The following SPTBN4 variants were observed in gnomAD, a reference collection of about 807,000 sequenced individuals.
The protein encoded by SPTBN4 is spectrin beta, non-erythrocytic 4.
A neutral mutation model predicts 277.8 loss-of-function variants in SPTBN4; 96 were observed. The observed-to-expected ratio is 0.35, with a 90% CI of 0.29 to 0.41. SPTBN4 has a LOEUF of 0.41. Ranked by LOEUF, SPTBN4 falls within the 10% of genes least tolerant of loss-of-function variation. SPTBN4 has a pLI of 1.00. For missense variants in SPTBN4, 3,006 were observed against 3,595.7 expected, an observed-to-expected ratio of 0.84 and a Z score of 4.19; for synonymous variants, 1,481 against 1,580.3, an observed-to-expected ratio of 0.94 and a Z score of 1.49.
rs2080491746 is a variant in SPTBN4 at position 40,519,001 on chromosome 19, CA to C, written c.2904-399del. On this transcript the variant is annotated intron_variant, in intron 15 of 35. Coordinates refer to ENST00000598249, the MANE Select transcript of SPTBN4 (RefSeq NM_020971.3). This position sits in a 1 kb window ranked among gnomAD's most constrained non-coding sequence, Gnocchi z 5.7. ...ATAACACAAAATGTACTAAGAGTGGCATTGTTTCGTACCTTTGCAAATCTCT... is the reference window on the plus strand; with the variant it reads ...ATAACACAAAATGTACTAAGAGTGGCTTGTTTCGTACCTTTGCAAATCTCT... Among the ~76,000 whole-genome samples, 1 of 152,098 alleles carries C rather than the reference CA, an allele frequency of 6.6e-6. No homozygotes were observed. The highest frequency in any genetic ancestry group is 1.5e-5 in the Non-Finnish European group (1 of 68,016).
chr19:40,559,406 G>T (rs1017029282), intron 26 of SPTBN4, among the ~76,000 whole-genome samples: 2 of 152,164 alleles, frequency 1.3e-5, no homozygotes, highest in African/African-American at 4.8e-5. Flanking sequence ...TCAGCACTTT[G>T]GGAGGCCAAC....
chr19:40,509,013 C>A (rs1241586583), intron 13 of SPTBN4, among the ~76,000 whole-genome samples: 4 of 150,096 alleles, frequency 2.7e-5, no homozygotes, highest in Non-Finnish European at 4.4e-5. Flanking sequence ...CCTACTCCAT[C>A]GTGGTCAGAG....
intron 18 of SPTBN4, among the ~76,000 whole-genome samples, chr19:40,532,138 ATTTGAT>A (rs2080682273): frequency 6.6e-6 from 1 of 150,826 alleles, no homozygotes; most frequent in African/African-American, 2.4e-5. Flanking sequence ...TGGGGGCTTC[ATTTGAT>A]ACCCTTGGGA....
intron 2 of SPTBN4, among the ~76,000 whole-genome samples, chr19:40,474,124 C>T (rs953368579): frequency 3.0e-5 from 4 of 132,088 alleles, no homozygotes; most frequent in Non-Finnish European, 6.2e-5. Context: ...TGCACTCCAG[C>T]CCCAGCAGTA....
intron 13 of SPTBN4, among the ~76,000 whole-genome samples, chr19:40,511,075 T>G (rs2145862016): frequency 6.6e-6 from 1 of 152,026 alleles, no homozygotes; most frequent in African/African-American, 2.4e-5. Context: ...TTCACATGCA[T>G]ACATGGGCAC....
Position 40,570,478 on chromosome 19 carries a change from C to G in SPTBN4, c.7069C>G (p.Pro2357Ala), listed in dbSNP as rs1186877211. Residue 2357 changes from proline to alanine, a missense_variant, in exon 33 of 36, where the codon CCC becomes GCC. By Grantham distance (27) the Pro-to-Ala change is conservative (BLOSUM62 -1). This residue lies in a region of SPTBN4 where 630 missense variants were observed against 677.6 expected (regional missense o/e 0.93). Transcript: ENST00000598249. ...QPRELPPGRL[P>A]NGLELPERTP... ...ACGCGAGCTTCCCCCAGGTCGCCTG[C>G]CCAACGGGCTTGAGCTGCCCGAGCG... is the stretch of plus-strand genomic sequence containing the variant. 6.4e-7 allele frequency: 1 copy of G among 1,565,560 alleles called. No individual in the cohort carries two copies. The highest frequency in any genetic ancestry group is 1.4e-5 in the African/African-American group (1 of 71,322).
chr19:40,538,462 G>A (rs141945214), intron 20 of SPTBN4, among the ~76,000 whole-genome samples: 1 of 152,230 alleles, frequency 6.6e-6, no homozygotes, highest in East Asian at 1.9e-4. Flanking sequence ...GAAGAGCTGG[G>A]GAGATAATAC....
rs1264898618 is a variant in SPTBN4, at chr19:40,550,345, A to G, written c.4674+18A>G. On this transcript the variant is annotated intron_variant, in intron 22 of 35. Coordinates refer to ENST00000598249, the MANE Select transcript of SPTBN4 (RefSeq NM_020971.3). The stretch of plus-strand genomic sequence containing the variant: ...AGAACCAGGTGAGCAGAGCCAGGTG[A>G]GGGAGCGAGTTAGGACATTTGGATA... 3.7e-6 allele frequency: 6 copies of G among 1,603,346 alleles called. No homozygotes were observed. In the Admixed American group the frequency reaches 8.3e-5, roughly 22 times the overall value.
At chr19:40,495,670 A>AAAAAG (rs1221346218) in intron 6 of SPTBN4, among the ~76,000 whole-genome samples, 1 of 152,006 alleles carries the variant, frequency 6.6e-6, no homozygotes, top group Non-Finnish European at 1.5e-5. Flanking sequence ...CACCACCAAA[A>AAAAAG]AAAAGAAAAG....
chr19:40,551,629 G>A (rs1599797411), intron 22 of SPTBN4, among the ~76,000 whole-genome samples: 1 of 152,164 alleles, frequency 6.6e-6, no homozygotes, highest in Admixed American at 6.6e-5. Context: ...AACTGCATAC[G>A]AAGGGAACCC....
rs372629865 is a variant in SPTBN4, at chr19:40,527,458, C to G, written c.3858-1583C>G. On this transcript the variant is annotated intron_variant, in intron 17 of 35. Coordinates refer to ENST00000598249, the MANE Select transcript of SPTBN4 (RefSeq NM_020971.3). Reference sequence around the variant, plus strand: ...TGATATATCCTAGCATGGGAGACAGCCAAGATAAATAAGTAACATATAGCA... The same window carrying G: ...TGATATATCCTAGCATGGGAGACAGGCAAGATAAATAAGTAACATATAGCA... Among the ~76,000 whole-genome samples, 18 of 152,238 alleles carry G rather than the reference C, an allele frequency of 1.2e-4. 1 individual carries two copies. The highest frequency in any genetic ancestry group is 4.3e-4 in the African/African-American group (18 of 41,546).
intron 27 of SPTBN4, among the ~76,000 whole-genome samples, chr19:40,564,975 G>A (rs1468815783): frequency 6.6e-6 from 1 of 152,024 alleles, no homozygotes; most frequent in East Asian, 1.9e-4. Context: ...TCGAAAGTAG[G>A]TGTCTCAGTC....
intron 6 of SPTBN4, 47 bp from the exon 7 acceptor site, chr19:40,497,442 G>C (rs369259917): frequency 6.8e-7 from 1 of 1,465,424 alleles, no homozygotes; most frequent in Non-Finnish European, 9.6e-7. Context: ...CTTGCCCGCC[G>C]GCTCTGGAGC....
At chr19:40,546,814 C>A (rs756687469) in intron 20 of SPTBN4, among the ~76,000 whole-genome samples, 2 of 152,100 alleles carry the variant, frequency 1.3e-5, no homozygotes, top group African/African-American at 4.8e-5. Context: ...TGCATGCCAA[C>A]CTGGATGACA....
chr19:40,524,801 G>A (rs961763488), intron 17 of SPTBN4, among the ~76,000 whole-genome samples: 6 of 152,140 alleles, frequency 3.9e-5, no homozygotes, highest in Non-Finnish European at 7.3e-5. Flanking sequence ...TGCTTCTGTC[G>A]CCATCTGTCT....
chr19:40,572,377 T>C lies in SPTBN4; in HGVS notation c.7533T>C (p.Asp2511=). The C allele has an allele frequency of 6.2e-7, 1 of 1,614,212 alleles. No homozygotes were observed. Among genetic ancestry groups the C allele is most frequent in the South Asian group, 1.1e-5 (1 of 91,086 alleles). Residue 2511 remains aspartate, a synonymous_variant, in exon 35 of 36, where the codon GAT becomes GAC. Coordinates refer to ENST00000598249, the MANE Select transcript of SPTBN4 (RefSeq NM_020971.3). ...DGSEFLLQAK[D]EEEMNGWLEA... ...GTGAGTTTTTGCTCCAGGCAAAAGA[T>C]GAGGTGAGATCTGGTCCTTTCCTCC...
intron 16 of SPTBN4, among the ~76,000 whole-genome samples, chr19:40,521,672 A>G (rs1219412942): frequency 1.3e-5 from 2 of 152,182 alleles, no homozygotes; most frequent in Non-Finnish European, 2.9e-5. Context: ...CCCAGTTTTT[A>G]ACAGGCGATG....
intron 12 of SPTBN4, among the ~76,000 whole-genome samples, chr19:40,505,744 AAGGAAGG>A (rs1214822356): frequency 4.0e-5 from 6 of 151,274 alleles, no homozygotes; most frequent in African/African-American, 1.5e-4. Flanking sequence ...GGAAGGAAGG[AAGGAAGG>A]AAGAAAGAAA....
chr19:40,498,253 C>T (rs1219459479), intron 7 of SPTBN4, among the ~76,000 whole-genome samples: 1 of 152,112 alleles, frequency 6.6e-6, no homozygotes, highest in Non-Finnish European at 1.5e-5. Context: ...ATTAAAGCTG[C>T]TCCCTTCCTC....
Sources: allele counts gnomAD v4.1 joint callset (sites outside exome capture counted in the v4.1 genomes callset), GRCh38; gene constraint gnomAD v4.1.1; regional missense constraint gnomAD v4.1.1; non-coding constraint Gnocchi (gnomAD v3.1); transcripts MANE v1.5; gene names NCBI Gene and HGNC (gene_info 2026-07-23, HGNC 2026-07-21).